RAPGEF2: variants seen among roughly 807,000 people sequenced by gnomAD.
RAPGEF2 encodes the protein Rap guanine nucleotide exchange factor 2.
In RAPGEF2, 54 loss-of-function variants were observed where a neutral mutation model predicts 186.7. The ratio of observed to expected loss-of-function variants is 0.29; its 90% confidence interval spans 0.23 to 0.36. RAPGEF2 has a LOEUF of 0.36. Ranked by LOEUF, RAPGEF2 falls within the 10% of genes least tolerant of loss-of-function variation. The pLI is 1.00. For missense variants in RAPGEF2, 1,532 were observed against 2,045.0 expected, an observed-to-expected ratio of 0.75 and a Z score of 4.84; for synonymous variants, 712 against 705.9, an observed-to-expected ratio of 1.01 and a Z score of -0.14.
chr4:159,344,007 G>T, intron 22 of RAPGEF2, 29 bp from the exon 23 acceptor site: 2 of 1,527,754 alleles, frequency 1.3e-6, no homozygotes. Flanking sequence ...CTACACCCAT[G>T]CTTCAATCTC....
At chr4:159,267,596 A>T in intron 7 of RAPGEF2, 1 of 459,360 alleles carries the variant, frequency 2.2e-6, no homozygotes, top group Non-Finnish European at 3.2e-6. Flanking sequence ...CTCTGCCCTG[A>T]TTTTTTTCTT....
chr4:159,284,914 G>A (rs1374447372), intron 7 of RAPGEF2, among the ~76,000 whole-genome samples: 3 of 152,130 alleles, frequency 2.0e-5, no homozygotes, highest in Non-Finnish European at 4.4e-5. Flanking sequence ...TTAGCGGGGC[G>A]TGGTGGAGCA....
At chr4:159,339,390 C>G (rs1167312136) in intron 19 of RAPGEF2, 36 bp downstream of exon 19, 1 of 1,586,624 alleles carries the variant, frequency 6.3e-7, no homozygotes, top group Admixed American at 1.7e-5. Flanking sequence ...TTCTTTGTCC[C>G]CTCTTCGAAC....
At chr4:159,242,103 T>A (rs967275147) in intron 6 of RAPGEF2, among the ~76,000 whole-genome samples, 2 of 152,010 alleles carry the variant, frequency 1.3e-5, no homozygotes, top group Non-Finnish European at 2.9e-5. Context: ...AAGACATAGA[T>A]AATGAGTGCT....
At chr4:159,316,076 A>C (rs942773161) in intron 9 of RAPGEF2, among the ~76,000 whole-genome samples, 2 of 152,138 alleles carry the variant, frequency 1.3e-5, no homozygotes, top group Non-Finnish European at 2.9e-5. Flanking sequence ...TCCGCCTGGC[A>C]ACGGGCATCT....
rs1732557097 is a variant in RAPGEF2, at chr4:159,360,109, T to G, written c.*1970T>G. The G allele has an allele frequency of 6.6e-6, 1 of 152,210 alleles. No homozygotes were observed. The highest frequency in any genetic ancestry group is 1.5e-5 in the Non-Finnish European group (1 of 68,036). 9.4% of individuals were successfully genotyped at this position (152,210 alleles called of 1,614,324 possible). On this transcript the variant is annotated 3_prime_UTR_variant, in exon 30 of 30. Coordinates refer to ENST00000691494, the MANE Select transcript of RAPGEF2 (RefSeq NM_001394067.2). ...AATGTACTATGTTTATGCTTCTACATCCAGTTTGTACAAGCTGGAAAATAA... is the reference window on the plus strand; with the variant it reads ...AATGTACTATGTTTATGCTTCTACAGCCAGTTTGTACAAGCTGGAAAATAA...
intron 6 of RAPGEF2, among the ~76,000 whole-genome samples, chr4:159,243,249 T>A (rs572272897): frequency 1.3e-5 from 2 of 151,890 alleles, no homozygotes; most frequent in Non-Finnish European, 2.9e-5. Flanking sequence ...GTGTGACATG[T>A]GGTATTAATT....
intron 1 of RAPGEF2, among the ~76,000 whole-genome samples, chr4:159,139,831 C>G (rs952366086): frequency 3.3e-5 from 5 of 152,108 alleles, no homozygotes; most frequent in African/African-American, 4.8e-5. Flanking sequence ...CAATGAATGT[C>G]TGTGCTAAAA....
At chr4:159,183,839 C>T (rs1348038657) in intron 1 of RAPGEF2, among the ~76,000 whole-genome samples, 1 of 152,038 alleles carries the variant, frequency 6.6e-6, no homozygotes, top group African/African-American at 2.4e-5. Context: ...TGTGCTGCAC[C>T]CATTAACTCG....
At chr4:159,314,233 G>C (rs1266810535) in intron 8 of RAPGEF2, among the ~76,000 whole-genome samples, 1 of 152,190 alleles carries the variant, frequency 6.6e-6, no homozygotes, top group Admixed American at 6.5e-5. Context: ...AAAAGGAATT[G>C]CTCAGAATTG....
At chr4:159,142,631 G>T (rs1236639910) in intron 1 of RAPGEF2, among the ~76,000 whole-genome samples, 3 of 151,200 alleles carry the variant, frequency 2.0e-5, no homozygotes, top group African/African-American at 7.3e-5. Context: ...AAATGTCAAA[G>T]AAATAAAAAT....
intron 26 of RAPGEF2, among the ~76,000 whole-genome samples, chr4:159,351,956 CAAAA>C (rs1165382638): frequency 2.0e-5 from 3 of 152,014 alleles, no homozygotes; most frequent in African/African-American, 7.2e-5. Flanking sequence ...GTCTCAAAAA[CAAAA>C]AAATCAAGAT....
At chr4:159,229,526 A>C (rs1752396292) in intron 4 of RAPGEF2, 2 of 152,186 alleles carry the variant, frequency 1.3e-5, no homozygotes, top group South Asian at 4.1e-4. Context: ...ATTTACGAAA[A>C]CTAGGTAAGA....
intron 9 of RAPGEF2, among the ~76,000 whole-genome samples, chr4:159,321,204 CTTTTTT>C (rs33926132): frequency 7.1e-6 from 1 of 140,188 alleles, no homozygotes; most frequent in African/African-American, 2.7e-5. Flanking sequence ...GTCACTGCCA[CTTTTTT>C]TTTTTTTTTT....
intron 1 of RAPGEF2, among the ~76,000 whole-genome samples, chr4:159,174,971 A>T (rs553311481): frequency 6.6e-6 from 1 of 152,164 alleles, no homozygotes; most frequent in South Asian, 2.1e-4. Context: ...TGTGTTTCCC[A>T]TGTTGGTTTC....
chr4:159,153,925 A>G (rs1307756197), intron 1 of RAPGEF2, among the ~76,000 whole-genome samples: 1 of 152,242 alleles, frequency 6.6e-6, no homozygotes. Context: ...ATGTTCAATT[A>G]GTACTTGAGT....
rs113695646 is a variant in RAPGEF2 at position 159,144,588 on chromosome 4, C to G, written c.69+40357C>G. 9.9e-3 allele frequency among the ~76,000 whole-genome samples: 1,514 copies of G among 152,238 alleles called. 18 individuals carry two copies. The highest frequency in any genetic ancestry group is 0.016 in the Non-Finnish European group (1,067 of 68,032). On this transcript the variant is annotated intron_variant, in intron 1 of 29. Coordinates refer to ENST00000691494, the MANE Select transcript of RAPGEF2 (RefSeq NM_001394067.2). ...ATTTTTAATCATTTTAGGTACTTTG[C>G]AGTCATTCGTTCTCATCACATGTTT...
intron 7 of RAPGEF2, among the ~76,000 whole-genome samples, chr4:159,252,540 AT>A (rs1755587731): frequency 6.6e-6 from 1 of 152,218 alleles, no homozygotes; most frequent in East Asian, 1.9e-4. Context: ...TACAGTGGGC[AT>A]TTTTGAGGAA....
At chr4:159,237,086 T>G (rs1487114246) in intron 4 of RAPGEF2, among the ~76,000 whole-genome samples, 2 of 152,208 alleles carry the variant, frequency 1.3e-5, no homozygotes, top group African/African-American at 4.8e-5. Context: ...AGTGGCACAT[T>G]CTTGGCTCAC....
Sources: allele counts gnomAD v4.1 joint callset (sites outside exome capture counted in the v4.1 genomes callset), GRCh38; gene constraint gnomAD v4.1.1; transcripts MANE v1.5; gene names NCBI Gene and HGNC (gene_info 2026-07-23, HGNC 2026-07-21).